PTPRC: variants seen among roughly 807,000 people sequenced by gnomAD.
PTPRC encodes protein tyrosine phosphatase receptor type C, also known as receptor-type tyrosine-protein phosphatase C.
PTPRC carries 44 observed loss-of-function variants against 155.9 expected under a neutral mutation model. That is an observed-to-expected ratio of 0.28 (90% CI 0.22 to 0.36). PTPRC has a LOEUF of 0.36. Ranked by LOEUF, PTPRC falls within the 10% of genes least tolerant of loss-of-function variation. The pLI is 1.00. For missense variants in PTPRC, 1,401 were observed against 1,564.6 expected, an observed-to-expected ratio of 0.90 and a Z score of 1.76; for synonymous variants, 525 against 533.1, an observed-to-expected ratio of 0.98 and a Z score of 0.21.
At chr1:198,661,338 T>C (rs1296499981) in intron 2 of PTPRC, among the ~76,000 whole-genome samples, 4 of 149,950 alleles carry the variant, frequency 2.7e-5, no homozygotes, top group African/African-American at 9.7e-5. Context: ...AATAAATCAA[T>C]ATATTAATAT....
intron 4 of PTPRC, 128 bp downstream of exon 4, chr1:198,697,037 A>G: frequency 1.2e-6 from 1 of 863,298 alleles, no homozygotes; most frequent in South Asian, 1.4e-5. Context: ...TCAAGTGCAG[A>G]AATTGCAGGA....
intron 2 of PTPRC, among the ~76,000 whole-genome samples, chr1:198,653,714 T>C (rs1440111756): frequency 6.6e-6 from 1 of 151,910 alleles, no homozygotes; most frequent in African/African-American, 2.4e-5. Context: ...TGCTAAAGAG[T>C]ATTCTTTACA....
chr1:198,746,774 A>G lies in PTPRC; in HGVS notation c.2848-1335A>G, dbSNP rs549327328. Among the ~76,000 whole-genome samples the G allele has an allele frequency of 7.9e-5, 12 of 152,000 alleles. 1 individual carries two copies. The South Asian group carries it at 2.5e-3, about 32-fold the overall frequency. The stretch of plus-strand genomic sequence containing the variant: ...CACCTATAATCCTGAGTATTGCTAC[A>G]GGGCATAGGCTGCCTCGGTGACTAC... On this transcript the variant is annotated intron_variant, in intron 26 of 32. Coordinates refer to ENST00000442510, the MANE Select transcript of PTPRC (RefSeq NM_002838.5).
At chr1:198,735,399 A>G (rs903326091) in intron 23 of PTPRC, 147 bp downstream of exon 23, 2 of 768,838 alleles carry the variant, frequency 2.6e-6, no homozygotes, top group Non-Finnish European at 4.0e-6. Context: ...AACAATGACA[A>G]AAATCAATAG....
intron 23 of PTPRC, among the ~76,000 whole-genome samples, chr1:198,736,401 T>G (rs1465739316): frequency 6.6e-6 from 1 of 151,674 alleles, no homozygotes. Context: ...TCAGTTATTT[T>G]AAATTTTGGC....
At chr1:198,742,516 C>A in intron 25 of PTPRC, 149 bp downstream of exon 25, 2 of 991,328 alleles carry the variant, frequency 2.0e-6, no homozygotes, top group Non-Finnish European at 3.0e-6. Flanking sequence ...GTGGTAATCA[C>A]CAGAAATACT....
At chr1:198,693,908 C>G in intron 3 of PTPRC, 8 of 1,305,908 alleles carry the variant, frequency 6.1e-6, no homozygotes, top group Non-Finnish European at 8.1e-6. Context: ...TAGCGTGGTA[C>G]TATGTATTAG....
At chr1:198,724,248 C>A (rs892829977) in intron 15 of PTPRC, among the ~76,000 whole-genome samples, 1 of 152,060 alleles carries the variant, frequency 6.6e-6, no homozygotes, top group Non-Finnish European at 1.5e-5. Flanking sequence ...ATATCTGTTC[C>A]AGGAAAGGAC....
Position 198,734,325 on chromosome 1 carries a change from T to C in PTPRC, c.2180-3T>C, listed in dbSNP as rs1250041541. ...TATCAGCTTTTATTTGTTTACCTCC[T>C]AGGTCCCAGGGATGAAACTGTTGAT... On this transcript the variant is annotated splice_region_variant and splice_polypyrimidine_tract_variant and intron_variant, in intron 21 of 32. Transcript: ENST00000442510. 6.2e-7 allele frequency: 1 copy of C among 1,611,180 alleles called. No individual in the cohort carries two copies. Among genetic ancestry groups the C allele is most frequent in the South Asian group, 1.1e-5 (1 of 91,036 alleles).
chr1:198,722,388 T>C lies in PTPRC; in HGVS notation c.1660-28T>C, dbSNP rs779328549. On this transcript the variant is annotated intron_variant, in intron 14 of 32. Coordinates refer to ENST00000442510, the MANE Select transcript of PTPRC (RefSeq NM_002838.5). ...TATAAATTCACATTAGCAAACTAAT[T>C]ATTTTATTTTTTGTTACTGAAATTC... is the stretch of plus-strand genomic sequence containing the variant. 10 of 1,297,294 alleles carry C rather than the reference T, an allele frequency of 7.7e-6. No individual in the cohort carries two copies. In the African/African-American group the frequency reaches 1.5e-4, roughly 20 times the overall value. 80.4% of individuals were successfully genotyped at this position (1,297,294 alleles called of 1,614,324 possible).
At chr1:198,703,402 C>G in intron 7 of PTPRC, 30 bp downstream of exon 7, 1 of 1,610,072 alleles carries the variant, frequency 6.2e-7, no homozygotes, top group Non-Finnish European at 8.5e-7. Context: ...GGCAGCCACA[C>G]CATCCCCATG....
At chr1:198,648,020 G>T (rs1663028445) in intron 2 of PTPRC, among the ~76,000 whole-genome samples, 1 of 151,750 alleles carries the variant, frequency 6.6e-6, no homozygotes, top group South Asian at 2.1e-4. Flanking sequence ...ACTATCTTAA[G>T]ATCTATATAT....
chr1:198,710,344 AAAT>A (rs1653232017), intron 11 of PTPRC, among the ~76,000 whole-genome samples: 1 of 152,020 alleles, frequency 6.6e-6, no homozygotes. Context: ...GCTTTGTAGT[AAAT>A]TTTGAAACTG....
chr1:198,666,218 G>A (rs1664295992), intron 2 of PTPRC, among the ~76,000 whole-genome samples: 1 of 146,848 alleles, frequency 6.8e-6, no homozygotes, highest in Non-Finnish European at 1.5e-5. Flanking sequence ...TCTAGCCTGG[G>A]CAACAGAGCA....
intron 2 of PTPRC, among the ~76,000 whole-genome samples, chr1:198,676,027 G>T (rs1664933211): frequency 6.6e-6 from 1 of 152,136 alleles, no homozygotes; most frequent in African/African-American, 2.4e-5. Flanking sequence ...ATAAATGTTT[G>T]AAATGAAAAC....
intron 2 of PTPRC, among the ~76,000 whole-genome samples, chr1:198,688,698 T>C (rs938755401): frequency 6.6e-6 from 1 of 152,238 alleles, no homozygotes; most frequent in African/African-American, 2.4e-5. Context: ...AGTAATTTAC[T>C]TGCAGCCAAA....
chr1:198,696,582 T>G, intron 3 of PTPRC, 130 bp from the exon 4 acceptor site: 1 of 783,332 alleles, frequency 1.3e-6, no homozygotes, highest in South Asian at 1.4e-5. Flanking sequence ...GGTGTGTGCA[T>G]ATGTATGTGT....
Position 198,712,972 on chromosome 1 carries a change from T to C in PTPRC, c.1191T>C (p.Ile397=), listed in dbSNP as rs769099460. 9.9e-6 allele frequency: 16 copies of C among 1,613,302 alleles called. No individual in the cohort carries two copies. Among genetic ancestry groups the C allele is most frequent in the Non-Finnish European group, 1.4e-5 (16 of 1,179,416 alleles). The change falls in exon 12 of 33, where the codon ATT becomes ATC. Residue 397 remains isoleucine (I), a synonymous_variant. Transcript: ENST00000442510. ...TDFGSPGEPQ[I]IFCRSEAAHQ... ...TAACAGGTCCAGGAGAGCCTCAGATTATTTTTTGTAGAAGTGAAGCTGCAC... is the reference window on the plus strand; with the variant it reads ...TAACAGGTCCAGGAGAGCCTCAGATCATTTTTTGTAGAAGTGAAGCTGCAC...
At chr1:198,656,926 T>A (rs545080980) in intron 2 of PTPRC, among the ~76,000 whole-genome samples, 1 of 151,684 alleles carries the variant, frequency 6.6e-6, no homozygotes, top group South Asian at 2.1e-4. Context: ...GGAGATTAAA[T>A]TAGTGTAGGA....
Sources: allele counts gnomAD v4.1 joint callset (sites outside exome capture counted in the v4.1 genomes callset), GRCh38; gene constraint gnomAD v4.1.1; transcripts MANE v1.5; gene names NCBI Gene and HGNC (gene_info 2026-07-23, HGNC 2026-07-21).